KANK4: variants seen among roughly 807,000 people sequenced by gnomAD.
The protein encoded by KANK4 is KN motif and ankyrin repeat domain-containing protein 4.
Under a neutral mutation model 80.8 loss-of-function variants are expected in KANK4, and 50 were observed. That is an observed-to-expected ratio of 0.62 (90% confidence interval 0.49 to 0.78). The LOEUF is 0.78. Ranked by LOEUF, KANK4 falls within the 30% of genes least tolerant of loss-of-function variation. The pLI, the probability that KANK4 is intolerant of heterozygous loss-of-function variation, is 0.00. For missense variants in KANK4, 1,196 were observed against 1,240.1 expected, an observed-to-expected ratio of 0.96 and a Z score of 0.53; for synonymous variants, 465 against 506.9, an observed-to-expected ratio of 0.92 and a Z score of 1.11.
At chr1:62,241,470 A>G (rs974827261) in intron 9 of KANK4, among the ~76,000 whole-genome samples, 1 of 152,108 alleles carries the variant, frequency 6.6e-6, no homozygotes, top group Non-Finnish European at 1.5e-5. Context: ...CACTCGTTCT[A>G]TGCTCGTATT....
chr1:62,280,262 G>A (rs561135335), intron 2 of KANK4, among the ~76,000 whole-genome samples: 2 of 152,296 alleles, frequency 1.3e-5, no homozygotes, highest in South Asian at 2.1e-4. Context: ...TCCCTGTTCT[G>A]GGAGGCCCAT....
At chr1:62,238,420 A>G (rs778753535) in intron 9 of KANK4, 39 bp from the exon 10 acceptor site, 10 of 1,576,614 alleles carry the variant, frequency 6.3e-6, no homozygotes, top group Non-Finnish European at 7.8e-6. Flanking sequence ...AATATCATCC[A>G]ATCTGCCTCC....
intron 6 of KANK4, among the ~76,000 whole-genome samples, chr1:62,264,213 T>C (rs1671964524): frequency 6.6e-6 from 1 of 151,780 alleles, no homozygotes; most frequent in Non-Finnish European, 1.5e-5. Flanking sequence ...AGGTTGGGAG[T>C]TCAAGACCAG....
chr1:62,292,885 G>C (rs1221675624), intron 1 of KANK4, among the ~76,000 whole-genome samples: 1 of 152,126 alleles, frequency 6.6e-6, no homozygotes, highest in Non-Finnish European at 1.5e-5. Flanking sequence ...CTCGTCTCAT[G>C]GTCCCTGTCT....
chr1:62,251,322 T>C (rs1671612038), intron 8 of KANK4, among the ~76,000 whole-genome samples: 1 of 152,164 alleles, frequency 6.6e-6, no homozygotes, highest in Admixed American at 6.5e-5. Flanking sequence ...AAGTCTCATG[T>C]CTTCTGCCAG....
intron 9 of KANK4, among the ~76,000 whole-genome samples, chr1:62,241,673 T>G (rs1011201759): frequency 2.0e-5 from 3 of 152,162 alleles, no homozygotes; most frequent in Non-Finnish European, 2.9e-5. Context: ...TCCTAGTGAA[T>G]GGGTTCTTAC....
intron 7 of KANK4, among the ~76,000 whole-genome samples, chr1:62,258,082 C>T (rs1671792408): frequency 2.0e-5 from 3 of 152,174 alleles, no homozygotes; most frequent in Admixed American, 2.0e-4. Flanking sequence ...AGAGACTGAT[C>T]GATCTTGGTT....
At chr1:62,244,039 G>T (rs1356483436) in intron 9 of KANK4, among the ~76,000 whole-genome samples, 1 of 151,768 alleles carries the variant, frequency 6.6e-6, no homozygotes, top group Non-Finnish European at 1.5e-5. Flanking sequence ...CTAGATGTCA[G>T]ATTCAGCCTT....
At position 62,273,943 on chromosome 1, in the gene KANK4, C is replaced by T. The variant is rs1376493969; in HGVS notation, c.1161G>A (p.Leu387=). 1.2e-6 allele frequency: 2 copies of T among 1,614,194 alleles called. No individual in the cohort carries two copies. Among genetic ancestry groups the T allele is most frequent in the Non-Finnish European group, 1.7e-6 (2 of 1,180,038 alleles). Residue 387 remains leucine (L), a synonymous_variant, in exon 3 of 10, where the codon CTG becomes CTA. Coordinates refer to ENST00000371153, the MANE Select transcript of KANK4 (RefSeq NM_181712.5). ...IKAREQRIRE[L]EFTVAQLEGQ... The stretch of plus-strand genomic sequence containing the variant: ...CTTCCAGTTGGGCTACAGTGAACTC[C>T]AGCTCTCGAATTCTTTGCTCCCTAG...
At chr1:62,253,020 G>C in intron 8 of KANK4, 47 bp downstream of exon 8, 4 of 1,601,480 alleles carry the variant, frequency 2.5e-6, no homozygotes, top group Non-Finnish European at 3.4e-6. Context: ...TAAAGCGGGA[G>C]GTGCCCCTGC....
At chr1:62,283,896 A>C (rs2149154523) in intron 1 of KANK4, among the ~76,000 whole-genome samples, 1 of 152,336 alleles carries the variant, frequency 6.6e-6, no homozygotes, top group Middle Eastern at 3.4e-3. Flanking sequence ...CATTAAAAAG[A>C]ACTCTGTAGA....
At chr1:62,282,296 TC>T (rs1381334455) in intron 1 of KANK4, among the ~76,000 whole-genome samples, 1 of 152,164 alleles carries the variant, frequency 6.6e-6, no homozygotes, top group Non-Finnish European at 1.5e-5. Context: ...CCATAAATTC[TC>T]CCCAAAGTTT....
intron 9 of KANK4, among the ~76,000 whole-genome samples, chr1:62,241,314 C>T (rs868434910): frequency 6.6e-6 from 1 of 151,802 alleles, no homozygotes; most frequent in African/African-American, 2.4e-5. Flanking sequence ...CACTGTGTGC[C>T]AGGGCGGGGT....
chr1:62,263,026 A>C (rs962785256), intron 7 of KANK4, 66 bp downstream of exon 7: 15 of 1,267,586 alleles, frequency 1.2e-5, no homozygotes, highest in African/African-American at 1.0e-4. Flanking sequence ...TTTTTGAAAA[A>C]AATTTTAAAA....
At chr1:62,296,064 G>A (rs989987070) in intron 1 of KANK4, among the ~76,000 whole-genome samples, 8 of 152,182 alleles carry the variant, frequency 5.3e-5, no homozygotes, top group Non-Finnish European at 1.0e-4. Flanking sequence ...CTCAGTTCAG[G>A]GCTGTGTTCA....
rs572038766 is a variant in KANK4, at chr1:62,236,199, G to T, written c.*2078C>A. Among the ~76,000 whole-genome samples, 1 of 152,212 alleles carries T rather than the reference G, an allele frequency of 6.6e-6. No homozygotes were observed. Among genetic ancestry groups the T allele is most frequent in the South Asian group, 2.1e-4 (1 of 4,818 alleles). On this transcript the variant is annotated 3_prime_UTR_variant, in exon 10 of 10. Transcript: ENST00000371153. ...GCATTTTAATATAACAAACAATAAG[G>T]ATAGGCCAGAGGCTTGCTACTCAAA... is the stretch of plus-strand genomic sequence containing the variant.
intron 8 of KANK4, 93 bp downstream of exon 8, chr1:62,252,974 T>C: frequency 6.9e-7 from 1 of 1,444,464 alleles, no homozygotes. Flanking sequence ...AAAAACTACA[T>C]GGATCTGCAT....
Position 62,274,060 on chromosome 1 carries a change from C to G in KANK4, c.1044G>C (p.Gln348His). The G allele has an allele frequency of 1.2e-6, 2 of 1,614,202 alleles. No individual in the cohort carries two copies. The highest frequency in any genetic ancestry group is 8.5e-7 in the Non-Finnish European group (1 of 1,180,042). ...ACAACTCTCCCTCCAGGGCCGAGACCTGCTGTTTCAGGCTGGAGATGCTGC... is the reference window on the plus strand; with the variant it reads ...ACAACTCTCCCTCCAGGGCCGAGACGTGCTGTTTCAGGCTGGAGATGCTGC... ...DPGSISSLKQQVSALEGELSG... is the reference protein window; with the variant it reads ...DPGSISSLKQHVSALEGELSG... Residue 348 changes from glutamine to histidine, a missense_variant, in exon 3 of 10, where the codon CAG (glutamine) becomes CAC (histidine). Gln to His is a conservative substitution (Grantham distance 24). Transcript: ENST00000371153.
At chr1:62,267,646 C>CA (rs1026929766) in intron 5 of KANK4, among the ~76,000 whole-genome samples, 3 of 151,860 alleles carry the variant, frequency 2.0e-5, no homozygotes, top group Admixed American at 6.6e-5. Context: ...CTAAAAAATA[C>CA]AAAAAAATAG....
Sources: allele counts gnomAD v4.1 joint callset (sites outside exome capture counted in the v4.1 genomes callset), GRCh38; gene constraint gnomAD v4.1.1; transcripts MANE v1.5; gene names NCBI Gene and HGNC (gene_info 2026-07-23, HGNC 2026-07-21).